Variants in NR3C2 observed in about 807,000 individuals in gnomAD.
The protein encoded by NR3C2 is mineralocorticoid receptor.
Under a neutral mutation model 86.4 loss-of-function variants are expected in NR3C2, and 15 were observed. The observed-to-expected ratio is 0.17, with a 90% CI of 0.12 to 0.27. The LOEUF (loss-of-function observed/expected upper bound fraction) is 0.27, where lower values mean the gene tolerates loss of function less well. Among genes scored for constraint, NR3C2 ranks in the 10% least tolerant of loss-of-function variants. NR3C2 has a pLI of 1.00. For missense variants in NR3C2, 960 were observed against 1,195.6 expected (o/e 0.80, Z 2.91); for synonymous variants, 458 against 450.5 (o/e 1.02, Z -0.21).
intron 8 of NR3C2, among the ~76,000 whole-genome samples, chr4:148,092,500 C>T (rs966946981): frequency 1.2e-4 from 19 of 152,168 alleles, no homozygotes; most frequent in African/African-American, 4.1e-4. Context: ...TACTCTTGCC[C>T]GGATTCTCGC....
At chr4:148,308,769 C>T (rs993960434) in intron 2 of NR3C2, among the ~76,000 whole-genome samples, 3 of 152,010 alleles carry the variant, frequency 2.0e-5, no homozygotes, top group South Asian at 2.1e-4. Flanking sequence ...GCGGCTTGCT[C>T]GAGCTCAGGA....
chr4:148,406,705 T>C (rs993537981), intron 2 of NR3C2, among the ~76,000 whole-genome samples: 4 of 152,168 alleles, frequency 2.6e-5, no homozygotes, highest in African/African-American at 9.7e-5. Flanking sequence ...ATCTGACTGA[T>C]AGGATCCTAA....
intron 8 of NR3C2, among the ~76,000 whole-genome samples, chr4:148,106,013 G>A (rs959405714): frequency 2.6e-5 from 4 of 152,102 alleles, no homozygotes; most frequent in Non-Finnish European, 5.9e-5. Flanking sequence ...ACATAGTACT[G>A]GAAGTTCTGG....
intron 2 of NR3C2, among the ~76,000 whole-genome samples, chr4:148,418,019 T>A (rs563198776): frequency 5.9e-4 from 90 of 152,220 alleles, no homozygotes; most frequent in African/African-American, 2.1e-3. Flanking sequence ...CAGTTTTGAG[T>A]TGTATGCCAA....
intron 3 of NR3C2, among the ~76,000 whole-genome samples, chr4:148,210,622 G>C (rs560442627): frequency 6.6e-6 from 1 of 152,182 alleles, no homozygotes; most frequent in African/African-American, 2.4e-5. Flanking sequence ...AAAAACCTGT[G>C]GTTTGAGGCA....
chr4:148,318,549 C>T (rs1441637385), intron 2 of NR3C2, among the ~76,000 whole-genome samples: 4 of 151,428 alleles, frequency 2.6e-5, no homozygotes, highest in African/African-American at 7.3e-5. Flanking sequence ...TGTTTCCTGA[C>T]TTTTTAATGA....
intron 3 of NR3C2, among the ~76,000 whole-genome samples, chr4:148,225,506 T>C (rs1738104600): frequency 2.0e-5 from 3 of 152,154 alleles, no homozygotes; most frequent in Admixed American, 2.0e-4. Flanking sequence ...TTATGAATTC[T>C]GTAGGAGTTT....
chr4:148,099,774 A>G (rs991254746), intron 8 of NR3C2, among the ~76,000 whole-genome samples: 1 of 152,194 alleles, frequency 6.6e-6, no homozygotes. Context: ...TAGTTTCCCA[A>G]AATCTCCCCT....
intron 3 of NR3C2, among the ~76,000 whole-genome samples, chr4:148,198,036 C>T (rs1338903054): frequency 6.6e-6 from 1 of 151,896 alleles, no homozygotes. Context: ...TTAGGATAAA[C>T]TTGAATGAAG....
chr4:148,440,460 G>C (rs1043210144), intron 1 of NR3C2, among the ~76,000 whole-genome samples: 1 of 152,196 alleles, frequency 6.6e-6, no homozygotes. Flanking sequence ...TAAAGAAAAA[G>C]TTTATGTTAC....
Position 148,435,366 on chromosome 4 carries a change from C to T in NR3C2, c.1495G>A (p.Asp499Asn), listed in dbSNP as rs1220830173. The change falls in exon 2 of 9, where the codon GAT becomes AAT. Residue 499 changes from aspartate (D) to asparagine (N), a missense_variant. Asp to Asn is a conservative substitution (Grantham distance 23). Coordinates refer to ENST00000358102, the MANE Select transcript of NR3C2 (RefSeq NM_000901.5). Reference sequence around the variant, plus strand: ...CTGGCCTCTGGGTAATAGCTCCCATCATCTGGTTCTTGTTTAATACCCACT... The same window carrying T: ...CTGGCCTCTGGGTAATAGCTCCCATTATCTGGTTCTTGTTTAATACCCACT... ...FPVGIKQEPD[D>N]GSYYPEASIP... 35 of 1,614,076 alleles carry T rather than the reference C, an allele frequency of 2.2e-5. No individual in the cohort carries two copies. The highest frequency in any genetic ancestry group is 3.0e-5 in the Non-Finnish European group (35 of 1,180,048).
chr4:148,103,403 C>T (rs910997940), intron 8 of NR3C2, among the ~76,000 whole-genome samples: 1 of 152,164 alleles, frequency 6.6e-6, no homozygotes, highest in South Asian at 2.1e-4. Context: ...GAGGCTACCA[C>T]GTGTGCCTCC....
At chr4:148,308,440 TAAA>T (rs1158572707) in intron 2 of NR3C2, among the ~76,000 whole-genome samples, 2 of 151,932 alleles carry the variant, frequency 1.3e-5, no homozygotes, top group African/African-American at 4.8e-5. Flanking sequence ...GTATTTACTC[TAAA>T]AAAACTACAT....
chr4:148,238,759 T>TA (rs1738868882), intron 3 of NR3C2, among the ~76,000 whole-genome samples: 1 of 152,188 alleles, frequency 6.6e-6, no homozygotes, highest in Non-Finnish European at 1.5e-5. Flanking sequence ...CTAAACAAGA[T>TA]AGAGTCCCTC....
intron 6 of NR3C2, among the ~76,000 whole-genome samples, chr4:148,134,643 C>CTCT (rs1440338033): frequency 9.8e-5 from 4 of 40,810 alleles, no homozygotes; most frequent in Non-Finnish European, 1.9e-4. Flanking sequence ...CTCTCTCTCT[C>CTCT]TTTTTTTTTT....
rs559765225 is a variant in NR3C2, at chr4:148,303,946, C to T, written c.1758-43829G>A. Reference sequence around the variant, plus strand: ...GCGTTGACCCCCATGGGCAGCAGCCCGTCATGGTCACCAGGACTCAGGGAT... The same window carrying T: ...GCGTTGACCCCCATGGGCAGCAGCCTGTCATGGTCACCAGGACTCAGGGAT... On this transcript the variant is annotated intron_variant, in intron 2 of 8. Transcript: ENST00000358102. Among the ~76,000 whole-genome samples, 8 of 152,296 alleles carry T rather than the reference C, an allele frequency of 5.3e-5. No homozygotes were observed. In the South Asian group the frequency reaches 8.3e-4, roughly 16 times the overall value.
chr4:148,147,370 A>G (rs1270686954), intron 6 of NR3C2, among the ~76,000 whole-genome samples: 1 of 152,200 alleles, frequency 6.6e-6, no homozygotes, highest in East Asian at 1.9e-4. Flanking sequence ...CATAAACTTC[A>G]CACTTCATCA....
intron 3 of NR3C2, among the ~76,000 whole-genome samples, chr4:148,220,674 T>C (rs759281322): frequency 3.3e-5 from 5 of 152,046 alleles, no homozygotes; most frequent in Non-Finnish European, 7.4e-5. Flanking sequence ...TGTGCATCTG[T>C]AGTCTCAGGC....
In NR3C2 at chr4:148,317,854, T is replaced by G. The variant is rs561369838; in HGVS notation, c.1758-57737A>C. ...AATAACCTTAAATTTTGAATATGTG[T>G]TCTAGTTAAGCTGTTTTCTTTTTCT... On this transcript the variant is annotated intron_variant, in intron 2 of 8. Coordinates refer to ENST00000358102, the MANE Select transcript of NR3C2 (RefSeq NM_000901.5). 2.6e-5 allele frequency among the ~76,000 whole-genome samples: 4 copies of G among 151,880 alleles called. No homozygotes were observed. The East Asian group carries it at 7.7e-4, about 29-fold the overall frequency.
Sources: allele counts gnomAD v4.1 joint callset (sites outside exome capture counted in the v4.1 genomes callset), GRCh38; gene constraint gnomAD v4.1.1; transcripts MANE v1.5; gene names NCBI Gene and HGNC (gene_info 2026-07-23, HGNC 2026-07-21).